Variants in SEC23IP observed in about 807,000 individuals in gnomAD.
The protein encoded by SEC23IP is SEC23 interacting protein.
Under a neutral mutation model 113.4 loss-of-function variants are expected in SEC23IP, and 70 were observed. That is an observed-to-expected ratio of 0.62 (90% CI 0.51 to 0.75). The LOEUF is 0.75. Ranked by LOEUF, SEC23IP falls within the 30% of genes least tolerant of loss-of-function variation. The pLI is 0.00. For missense variants in SEC23IP, 1,160 were observed against 1,204.9 expected (o/e 0.96, Z 0.55); for synonymous variants, 398 against 421.0 (o/e 0.95, Z 0.67).
At chr10:119,918,558 A>G in intron 10 of SEC23IP, 47 bp downstream of exon 10, 3 of 1,068,310 alleles carry the variant, frequency 2.8e-6, no homozygotes, top group Non-Finnish European at 4.3e-6. Flanking sequence ...GAGTCTATGG[A>G]GCTGAACAAT....
chr10:119,934,966 G>A (rs1321693811), intron 18 of SEC23IP, among the ~76,000 whole-genome samples: 6 of 152,172 alleles, frequency 3.9e-5, no homozygotes, highest in African/African-American at 1.2e-4. Context: ...GTGAAACCCC[G>A]TCTGTACTAA....
At chr10:119,939,985 C>G (rs1227264314) in intron 18 of SEC23IP, among the ~76,000 whole-genome samples, 1 of 152,096 alleles carries the variant, frequency 6.6e-6, no homozygotes, top group East Asian at 1.9e-4. Context: ...GCGTGAGCCA[C>G]AACACTTGGC....
chr10:119,917,836 G>A lies in SEC23IP; in HGVS notation c.1545G>A (p.Arg515=), dbSNP rs1364647831. 1.9e-6 allele frequency: 3 copies of A among 1,611,312 alleles called. No homozygotes were observed. Among genetic ancestry groups the A allele is most frequent in the Non-Finnish European group, 2.5e-6 (3 of 1,178,012 alleles). The change falls in exon 9 of 19, where the codon AGG becomes AGA. Residue 515 remains arginine (R), a splice_region_variant and synonymous_variant. Coordinates refer to ENST00000369075, the MANE Select transcript of SEC23IP (RefSeq NM_007190.4). ...GTGCTGTATTTTTCTTTTTAAACAG[G>A]AATATTAAGAAAATCACTTTGCCAA... ...SLGGDATGVD[R]NIKKITLPSI...
chr10:119,926,048 T>G lies in SEC23IP; in HGVS notation c.2134T>G (p.Ser712Ala), dbSNP rs1285712261. Residue 712 changes from serine to alanine, a missense_variant, in exon 13 of 19, where the codon TCA becomes GCA. By Grantham distance (99) the Ser-to-Ala change is moderately conservative (BLOSUM62 1). Transcript: ENST00000369075. ...HKAAKLKKAA[S>A]EKKAVAATST... ...TGGTATTTTACAGAAAAAAGCAGCG[T>G]CAGAAAAGAAGGCAGTGGCGGCCAC... 1 of 1,610,174 alleles carries G rather than the reference T, an allele frequency of 6.2e-7. No homozygotes were observed. Among genetic ancestry groups the G allele is most frequent in the South Asian group, 1.1e-5 (1 of 90,534 alleles).
intron 12 of SEC23IP, among the ~76,000 whole-genome samples, chr10:119,923,555 T>C (rs1855318501): frequency 6.7e-6 from 1 of 149,306 alleles, no homozygotes; most frequent in Non-Finnish European, 1.5e-5. Context: ...TTGGTTCCGT[T>C]TTTTTTTTTT....
chr10:119,901,026 T>C (rs1040358233), intron 2 of SEC23IP, among the ~76,000 whole-genome samples: 7 of 108,590 alleles, frequency 6.4e-5, no homozygotes, highest in East Asian at 3.2e-4. Flanking sequence ...TCTTCTTCTT[T>C]TTTTTTTTTT....
intron 4 of SEC23IP, among the ~76,000 whole-genome samples, chr10:119,907,878 G>A (rs1854730099): frequency 1.3e-5 from 2 of 152,178 alleles, no homozygotes; most frequent in South Asian, 2.1e-4. Flanking sequence ...CCTGAACCTG[G>A]GAGGCGGAGG....
intron 18 of SEC23IP, among the ~76,000 whole-genome samples, chr10:119,937,373 C>T (rs965620787): frequency 2.6e-5 from 4 of 151,826 alleles, no homozygotes; most frequent in Non-Finnish European, 1.5e-5. Flanking sequence ...CGCCTGTAAT[C>T]CCAGCACTTT....
At chr10:119,939,810 C>T (rs919087369) in intron 18 of SEC23IP, among the ~76,000 whole-genome samples, 5 of 152,156 alleles carry the variant, frequency 3.3e-5, no homozygotes, top group Non-Finnish European at 5.9e-5. Context: ...ATCCTCCTAA[C>T]TTAGCATCTC....
intron 1 of SEC23IP, among the ~76,000 whole-genome samples, chr10:119,896,788 T>TTC (rs1180518347): frequency 2.0e-5 from 3 of 152,156 alleles, no homozygotes; most frequent in African/African-American, 7.2e-5. Flanking sequence ...TTTTTTTTTT[T>TTC]TCATTCTTTT....
chr10:119,922,551 C>A (rs191243824), intron 12 of SEC23IP, among the ~76,000 whole-genome samples: 1 of 152,188 alleles, frequency 6.6e-6, no homozygotes, highest in East Asian at 1.9e-4. Context: ...TCACAGTGCA[C>A]AGATGAAGTT....
intron 2 of SEC23IP, among the ~76,000 whole-genome samples, chr10:119,901,226 C>G (rs1483323176): frequency 6.6e-5 from 10 of 151,910 alleles, no homozygotes; most frequent in Non-Finnish European, 8.8e-5. Context: ...ATGTTGGGCT[C>G]AAACTCCTGG....
In SEC23IP at chr10:119,926,157, A is replaced by T; in HGVS notation, c.2243A>T (p.Lys748Ile). The T allele has an allele frequency of 6.2e-7, 1 of 1,614,176 alleles. No individual in the cohort carries two copies. Among genetic ancestry groups the T allele is most frequent in the East Asian group, 2.2e-5 (1 of 44,882 alleles). The part of the protein sequence containing the change: ...LPSESNEPKR[K>I]LPVGACVSSV... ...TCAGAATCCAATGAGCCAAAGAGGA[A>T]ACTTCCAGTTGGTGCTTGCGTGTCT... The change falls in exon 13 of 19, where the codon AAA becomes ATA. Residue 748 changes from lysine to isoleucine, a missense_variant. By Grantham distance (102) the Lys-to-Ile change is moderately radical. Coordinates refer to ENST00000369075, the MANE Select transcript of SEC23IP (RefSeq NM_007190.4).
At chr10:119,927,223 G>A (rs545333527) in intron 13 of SEC23IP, among the ~76,000 whole-genome samples, 4 of 152,296 alleles carry the variant, frequency 2.6e-5, no homozygotes, top group African/African-American at 7.2e-5. Flanking sequence ...AATGACTGCC[G>A]TAATCAGTAA....
intron 4 of SEC23IP, among the ~76,000 whole-genome samples, chr10:119,905,299 G>A (rs765838276): frequency 3.2e-4 from 49 of 152,152 alleles, no homozygotes; most frequent in Non-Finnish European, 5.4e-4. Context: ...AGGCCCCTAC[G>A]AAGCTATCAT....
At chr10:119,919,625 T>A in intron 11 of SEC23IP, 29 bp downstream of exon 11, 4 of 1,531,442 alleles carry the variant, frequency 2.6e-6, no homozygotes, top group Non-Finnish European at 3.5e-6. Context: ...TTCATTTTGT[T>A]TGAAATTGTT....
intron 8 of SEC23IP, among the ~76,000 whole-genome samples, chr10:119,917,026 G>A (rs1855073929): frequency 6.6e-6 from 1 of 151,932 alleles, no homozygotes; most frequent in African/African-American, 2.4e-5. Flanking sequence ...AAGCCGCCAT[G>A]CCTGGCTAAT....
intron 1 of SEC23IP, among the ~76,000 whole-genome samples, chr10:119,896,253 C>T (rs970149793): frequency 6.6e-6 from 1 of 152,194 alleles, no homozygotes; most frequent in African/African-American, 2.4e-5. Flanking sequence ...AGACCCAAGA[C>T]TGAGCTCTGT....
In SEC23IP at chr10:119,933,675, C is replaced by T; in HGVS notation, c.2922-11C>T. On this transcript the variant is annotated splice_polypyrimidine_tract_variant and intron_variant, in intron 17 of 18. Coordinates refer to ENST00000369075, the MANE Select transcript of SEC23IP (RefSeq NM_007190.4). ...TTGTCTCTTAAGTAAATATGCTTTT[C>T]CTTTTCATAGGGAATCTGAAGATAC... The T allele has an allele frequency of 7.0e-7, 1 of 1,435,690 alleles. No individual in the cohort carries two copies. The highest frequency in any genetic ancestry group is 1.2e-5 in the South Asian group (1 of 85,908). The allele number at this position is 1,435,690 out of a possible 1,614,324, so 88.9% of individuals were successfully genotyped here. A position where few individuals can be genotyped will look rare whatever the true frequency, so the allele number is the denominator to read the frequency against.
Sources: gnomAD v4.1 joint callset for allele counts (sites outside exome capture counted in the v4.1 genomes callset) on GRCh38, gnomAD v4.1.1 for gene constraint, MANE v1.5 for transcripts, NCBI Gene and HGNC (gene_info 2026-07-23, HGNC 2026-07-21) for gene names.